CATSPER1: variants seen among roughly 807,000 people sequenced by gnomAD.
The protein encoded by CATSPER1 is cation channel sperm associated 1.
A neutral mutation model predicts 72.7 loss-of-function variants in CATSPER1; 57 were observed. The ratio of observed to expected loss-of-function variants is 0.78; its 90% CI spans 0.63 to 0.98. The LOEUF is 0.98. Among genes scored for constraint, CATSPER1 ranks in the 50% least tolerant of loss-of-function variants. The probability of loss-of-function intolerance (pLI) is 0.00; values close to 1 mark genes in which losing one functional copy is unlikely to be tolerated. For synonymous variants in CATSPER1, 363 were observed against 403.0 expected (o/e 0.90, Z 1.19); for missense variants, 910 against 1,033.9 (o/e 0.88, Z 1.64).
chr11:66,017,547 C>T (rs147414884), intron 10 of CATSPER1, among the ~76,000 whole-genome samples: 3 of 151,886 alleles, frequency 2.0e-5, no homozygotes, highest in Non-Finnish European at 2.9e-5. Context: ...CTCCACCCAC[C>T]TGCTCTTCCC....
intron 2 of CATSPER1, 115 bp from the exon 3 acceptor site, chr11:66,021,994 G>C (rs1458832525): frequency 1.3e-6 from 1 of 797,592 alleles, no homozygotes; most frequent in African/African-American, 1.7e-5. Flanking sequence ...CTCTGCGTAA[G>C]CAGCTGCGCG....
intron 2 of CATSPER1, among the ~76,000 whole-genome samples, chr11:66,022,551 C>T (rs1180123221): frequency 6.6e-6 from 1 of 152,164 alleles, no homozygotes; most frequent in Non-Finnish European, 1.5e-5. Context: ...GGCCCTTCCG[C>T]GAAGCTCGGG....
Position 66,020,904 on chromosome 11 carries a change from G to C in CATSPER1, c.1834C>G (p.Arg612Gly). 6.2e-7 allele frequency: 1 copy of C among 1,614,054 alleles called. No individual in the cohort carries two copies. Among genetic ancestry groups the C allele is most frequent in the African/African-American group, 1.3e-5 (1 of 75,026 alleles). The change falls in exon 6 of 12, where the codon CGC (arginine) becomes GGC (glycine). Residue 612 changes from arginine to glycine, a missense_variant. Transcript: ENST00000312106. The surrounding 1 kb of genome is among the most constrained non-coding windows in gnomAD (Gnocchi z 4.5). ...ATGGTGGTGAAGATGTTCTGGAAGC[G>C]CTTGGGGTCAGATTTGCGGAACAGT... ...RALFRKSDPK[R>G]FQNIFTTIFT...
In CATSPER1 at chr11:66,017,193, G is replaced by GGGGGGGGGGGGGGGGGGGGGGGC; in HGVS notation, c.2202-20_2202-19insGCCCCCCCCCCCCCCCCCCCCCC. ...CTGCTGCCTGCGGGTGGGCGGGGGGGTCGCAGAGACAGGGGCTGGGCTGAC... is the reference window on the plus strand; with the variant it reads ...CTGCTGCCTGCGGGTGGGCGGGGGGGGGGGGGGGGGGGGGGGGGGGGGCTCGCAGAGACAGGGGCTGGGCTGAC... On this transcript the variant is annotated intron_variant, in intron 10 of 11. Coordinates refer to ENST00000312106, the MANE Select transcript of CATSPER1 (RefSeq NM_053054.4). The GGGGGGGGGGGGGGGGGGGGGGGC allele has an allele frequency of 6.1e-6, 3 of 493,804 alleles. No homozygotes were observed. Among genetic ancestry groups the GGGGGGGGGGGGGGGGGGGGGGGC allele is most frequent in the Non-Finnish European group, 7.9e-6 (2 of 252,614 alleles). The allele number at this position is 493,804 out of a possible 1,614,324, so 30.6% of individuals were successfully genotyped here. A position where few individuals can be genotyped will look rare whatever the true frequency, so the allele number is the denominator to read the frequency against.
intron 1 of CATSPER1, among the ~76,000 whole-genome samples, chr11:66,024,622 C>T (rs964155038): frequency 4.6e-5 from 7 of 152,144 alleles, no homozygotes; most frequent in African/African-American, 4.8e-5. Flanking sequence ...AGTTTGGTGG[C>T]GTATGAGCTA....
chr11:66,022,887 A>C lies in CATSPER1; in HGVS notation c.1391T>G (p.Leu464Arg). The C allele has an allele frequency of 1.2e-6, 2 of 1,614,242 alleles. No individual in the cohort carries two copies. The highest frequency in any genetic ancestry group is 2.2e-5 in the South Asian group (2 of 91,088). The part of the protein sequence containing the change: ...FFVVCLNTVM[L>R]VAQTFAEVEI... Reference sequence around the variant, plus strand: ...GACTTCAGCGAAGGTCTGGGCCACCAGCATGACGGTGTTGAGGCAGACAAC... The same window carrying C: ...GACTTCAGCGAAGGTCTGGGCCACCCGCATGACGGTGTTGAGGCAGACAAC... Residue 464 changes from leucine (L) to arginine (R), a missense_variant, in exon 2 of 12, where the codon CTG (leucine) becomes CGG (arginine). Physicochemically the swap from Leu to Arg is moderately radical, Grantham distance 102. Coordinates refer to ENST00000312106, the MANE Select transcript of CATSPER1 (RefSeq NM_053054.4).
Position 66,026,380 on chromosome 11 carries a change from G to A in CATSPER1, c.-1C>T. The A allele has an allele frequency of 6.2e-7, 1 of 1,611,448 alleles. No homozygotes were observed. The highest frequency in any genetic ancestry group is 8.5e-7 in the Non-Finnish European group (1 of 1,179,408). On this transcript the variant is annotated 5_prime_UTR_variant, in exon 1 of 12. Coordinates refer to ENST00000312106, the MANE Select transcript of CATSPER1 (RefSeq NM_053054.4). ...TTTCAGGCACTGAGTTTTGATCCAT[G>A]ACTGTGCTGGGAACTCTGGAGCCAA... is the stretch of plus-strand genomic sequence containing the variant.
rs1279743849 is a variant in CATSPER1, at chr11:66,025,526, T to C, written c.854A>G (p.His285Arg). Residue 285 changes from histidine to arginine, a missense_variant, in exon 1 of 12, where the codon CAC (histidine) becomes CGC (arginine). Coordinates refer to ENST00000312106, the MANE Select transcript of CATSPER1 (RefSeq NM_053054.4). The part of the protein sequence containing the change: ...SEYHHGDHPH[H>R]TQHHYHQTHR... Reference sequence around the variant, plus strand: ...GGTCTGGTGGTAGTGGTGCTGTGTGTGGTGGGGATGGTCGCCATGGTGGTA... The same window carrying C: ...GGTCTGGTGGTAGTGGTGCTGTGTGCGGTGGGGATGGTCGCCATGGTGGTA... The C allele has an allele frequency of 6.2e-7, 1 of 1,603,740 alleles. No homozygotes were observed. Among genetic ancestry groups the C allele is most frequent in the South Asian group, 1.1e-5 (1 of 89,532 alleles).
At chr11:66,018,772 G>A in intron 10 of CATSPER1, 55 bp downstream of exon 10, 1 of 1,584,904 alleles carries the variant, frequency 6.3e-7, no homozygotes, top group Non-Finnish European at 8.6e-7. Flanking sequence ...CCTCCAGCCA[G>A]GCCCCCAGGC....
chr11:66,023,099 G>A (rs761083713), intron 1 of CATSPER1, 38 bp from the exon 2 acceptor site: 5 of 1,568,576 alleles, frequency 3.2e-6, no homozygotes, highest in South Asian at 1.1e-5. Flanking sequence ...GTGTGTGCAA[G>A]AGGGGACACG....
In CATSPER1 at chr11:66,025,203, C is replaced by T. The variant is rs1157584569; in HGVS notation, c.1177G>A (p.Asp393Asn). 6.2e-7 allele frequency: 1 copy of T among 1,614,150 alleles called. No individual in the cohort carries two copies. Among genetic ancestry groups the T allele is most frequent in the East Asian group, 2.2e-5 (1 of 44,882 alleles). ...TQDISTKHSE[D>N]WGKEEGQFQK... ...AATTGCCCTTCTTCTTTGCCCCAGTCTTCTGAATGTTTGGTGGAGATATCC... is the reference window on the plus strand; with the variant it reads ...AATTGCCCTTCTTCTTTGCCCCAGTTTTCTGAATGTTTGGTGGAGATATCC... Residue 393 changes from aspartate (D) to asparagine (N), a missense_variant, in exon 1 of 12, where the codon GAC (aspartate) becomes AAC (asparagine). Transcript: ENST00000312106.
At chr11:66,019,989 G>A (rs543858791) in intron 9 of CATSPER1, 151 bp downstream of exon 9, 1 of 688,824 alleles carries the variant, frequency 1.5e-6, no homozygotes, top group South Asian at 1.7e-5. Context: ...TTGTTCTAGG[G>A]TCCTCTGGAC....
intron 4 of CATSPER1, 95 bp downstream of exon 4, chr11:66,021,401 C>T: frequency 1.3e-6 from 2 of 1,496,450 alleles, no homozygotes; most frequent in Non-Finnish European, 1.8e-6. Flanking sequence ...CGCCCCCATC[C>T]CTTGAGCAGG....
intron 9 of CATSPER1, among the ~76,000 whole-genome samples, chr11:66,019,573 G>A (rs1261850255): frequency 6.6e-6 from 1 of 151,846 alleles, no homozygotes; most frequent in Admixed American, 6.6e-5. Context: ...CACCATGCCC[G>A]GCCCCAGGTA....
chr11:66,021,484 G>A lies in CATSPER1; in HGVS notation c.1691+12C>T, dbSNP rs1377004532. 2.5e-6 allele frequency: 4 copies of A among 1,611,944 alleles called. No homozygotes were observed. The highest frequency in any genetic ancestry group is 2.2e-5 in the South Asian group (2 of 91,042). On this transcript the variant is annotated intron_variant, in intron 4 of 11. Coordinates refer to ENST00000312106, the MANE Select transcript of CATSPER1 (RefSeq NM_053054.4). ...GGAGTCCCCACCCCAGGTGGGAGCC[G>A]TGGCCACTGACCTGAGCCTCCGCAG...
chr11:66,025,055 A>G (rs1856466100), intron 1 of CATSPER1, 109 bp downstream of exon 1: 5 of 1,345,732 alleles, frequency 3.7e-6, no homozygotes, highest in Non-Finnish European at 5.3e-6. Flanking sequence ...GGACCTGTGC[A>G]GGAGGGTCGG....
chr11:66,021,151 G>C lies in CATSPER1; in HGVS notation c.1726C>G (p.Leu576Val), dbSNP rs202136090. Residue 576 changes from leucine to valine, a missense_variant, in exon 5 of 12, where the codon CTG becomes GTG. Transcript: ENST00000312106. ...LTSVQEVTGT[L>V]GQSLPSIAAI... ...GCGATGGACGGCAAGGACTGGCCCA[G>C]GGTCCCTGTCACTTCCTGGACGCTG... The C allele has an allele frequency of 9.5e-5, 154 of 1,613,386 alleles. No individual in the cohort carries two copies. The highest frequency in any genetic ancestry group is 1.1e-4 in the Non-Finnish European group (129 of 1,179,816).
chr11:66,025,372 G>T lies in CATSPER1; in HGVS notation c.1008C>A (p.His336Gln). Reference sequence around the variant, plus strand: ...GAGAAGCAGCAGGGCCGGGGGCATCGTGAATCAGGCTCCGGGATGTGTGTG... The same window carrying T: ...GAGAAGCAGCAGGGCCGGGGGCATCTTGAATCAGGCTCCGGGATGTGTGTG... ...SIPHTSRSLI[H>Q]DAPGPAASRT... The change falls in exon 1 of 12, where the codon CAC (histidine) becomes CAA (glutamine). Residue 336 changes from histidine (H) to glutamine (Q), a missense_variant. Physicochemically the swap from His to Gln is conservative, Grantham distance 24. Coordinates refer to ENST00000312106, the MANE Select transcript of CATSPER1 (RefSeq NM_053054.4). 6.2e-7 allele frequency: 1 copy of T among 1,614,168 alleles called. No homozygotes were observed. Among genetic ancestry groups the T allele is most frequent in the Non-Finnish European group, 8.5e-7 (1 of 1,180,030 alleles).
Position 66,025,913 on chromosome 11 carries a change from C to A in CATSPER1, c.467G>T (p.Gly156Val). Reference sequence around the variant, plus strand: ...AGAGGAATAGTGGGATAAATTCTCACCGAGATATTGGGGTCTGCCATGGTG... The same window carrying A: ...AGAGGAATAGTGGGATAAATTCTCAACGAGATATTGGGGTCTGCCATGGTG... ...GSHHGRPQYL[G>V]ENLSHYSSGV... The change falls in exon 1 of 12, where the codon GGT becomes GTT. Residue 156 changes from glycine (G) to valine (V), a missense_variant. By Grantham distance (109) the Gly-to-Val change is moderately radical. Coordinates refer to ENST00000312106, the MANE Select transcript of CATSPER1 (RefSeq NM_053054.4). The A allele has an allele frequency of 1.9e-6, 3 of 1,613,104 alleles. No homozygotes were observed. The highest frequency in any genetic ancestry group is 2.5e-6 in the Non-Finnish European group (3 of 1,179,742).
Sources: allele counts gnomAD v4.1 joint callset (sites outside exome capture counted in the v4.1 genomes callset), GRCh38; gene constraint gnomAD v4.1.1; non-coding constraint Gnocchi (gnomAD v3.1); transcripts MANE v1.5; gene names NCBI Gene and HGNC (gene_info 2026-07-23, HGNC 2026-07-21).